SAMD3: variants seen among roughly 807,000 people sequenced by gnomAD.
SAMD3 encodes the protein sterile alpha motif domain containing 3.
SAMD3 carries 63 observed loss-of-function variants against 58.5 expected under a neutral mutation model. The observed-to-expected ratio is 1.08, with a 90% CI of 0.88 to 1.33. SAMD3 has a LOEUF of 1.33. Ranked by LOEUF, SAMD3 falls within the 40% of genes most tolerant of loss-of-function variation. The pLI is 0.00. For synonymous variants in SAMD3, 220 were observed against 210.3 expected (o/e 1.05, Z -0.40); for missense variants, 604 against 608.4 (o/e 0.99, Z 0.08).
intron 5 of SAMD3, among the ~76,000 whole-genome samples, chr6:130,196,995 C>T (rs6909809): frequency 0.4 from 60,372 of 151,924 alleles, 12,803 homozygotes; most frequent in African/African-American, 0.49. Context: ...TCAGTGAAAC[C>T]TTTATATCCC....
At chr6:130,180,900 C>T (rs191915851) in intron 7 of SAMD3, among the ~76,000 whole-genome samples, 44 of 151,466 alleles carry the variant, frequency 2.9e-4, no homozygotes, top group African/African-American at 1.0e-3. Flanking sequence ...AGCATTCTTT[C>T]AACTTTTGTT....
chr6:130,200,372 T>A (rs2114783489), intron 5 of SAMD3, among the ~76,000 whole-genome samples: 1 of 134,190 alleles, frequency 7.5e-6, no homozygotes, highest in South Asian at 2.3e-4. Flanking sequence ...AAACCCCATC[T>A]GTACTAAAAA....
intron 2 of SAMD3, among the ~76,000 whole-genome samples, chr6:130,245,929 G>A (rs1207371826): frequency 2.0e-5 from 3 of 152,094 alleles, no homozygotes; most frequent in African/African-American, 7.2e-5. Flanking sequence ...GATGGGAAAG[G>A]TGCAATAGAA....
intron 5 of SAMD3, among the ~76,000 whole-genome samples, chr6:130,199,773 G>C (rs1342112907): frequency 6.6e-6 from 1 of 152,146 alleles, no homozygotes; most frequent in Non-Finnish European, 1.5e-5. Context: ...ATGCTGTTTT[G>C]TTGCTGCAAC....
intron 2 of SAMD3, among the ~76,000 whole-genome samples, chr6:130,285,385 A>G (rs1775120581): frequency 6.6e-6 from 1 of 152,208 alleles, no homozygotes; most frequent in African/African-American, 2.4e-5. Flanking sequence ...TCAAGCAAAT[A>G]AAATCCAGAA....
At chr6:130,358,593 T>A (rs1777900447) in intron 1 of SAMD3, among the ~76,000 whole-genome samples, 2 of 152,140 alleles carry the variant, frequency 1.3e-5, no homozygotes, top group African/African-American at 4.8e-5. Context: ...ATCAAAATAA[T>A]ACAATTTCAC....
chr6:130,260,205 T>C (rs1774073707), intron 2 of SAMD3, among the ~76,000 whole-genome samples: 1 of 152,234 alleles, frequency 6.6e-6, no homozygotes, highest in Non-Finnish European at 1.5e-5. Context: ...GGTAGCCCGG[T>C]GCCTAGGAAC....
intron 2 of SAMD3, chr6:130,215,547 T>G: frequency 7.5e-7 from 1 of 1,330,212 alleles, no homozygotes; most frequent in Non-Finnish European, 9.6e-7. Context: ...CTCCTACTTT[T>G]TTTCCACAGG....
At chr6:130,234,779 C>T (rs1400355520) in intron 2 of SAMD3, among the ~76,000 whole-genome samples, 3 of 152,198 alleles carry the variant, frequency 2.0e-5, no homozygotes, top group Non-Finnish European at 4.4e-5. Context: ...TTTCTTTACA[C>T]TCTAATCTTT....
intron 2 of SAMD3, among the ~76,000 whole-genome samples, chr6:130,310,125 GAAT>G (rs1394778406): frequency 6.6e-6 from 1 of 152,192 alleles, no homozygotes; most frequent in African/African-American, 2.4e-5. Flanking sequence ...TTACCTTAGA[GAAT>G]AATATTCTCC....
chr6:130,170,855 G>A (rs557948144), intron 8 of SAMD3, among the ~76,000 whole-genome samples: 1 of 152,312 alleles, frequency 6.6e-6, no homozygotes, highest in East Asian at 1.9e-4. Flanking sequence ...AGATGATGGT[G>A]TTTTCTAAAT....
At chr6:130,161,144 G>A (rs1227773486) in intron 8 of SAMD3, 2 of 152,176 alleles carry the variant, frequency 1.3e-5, no homozygotes, top group African/African-American at 4.8e-5. Flanking sequence ...GGAAAACTCA[G>A]GCACACACAA....
upstream of SAMD3, chr6:130,365,584 G>A: frequency 1.0e-6 from 1 of 985,424 alleles, no homozygotes; most frequent in Non-Finnish European, 1.2e-6. Flanking sequence ...GAGCTCCCCA[G>A]CCGCTCCGGA....
chr6:130,237,467 C>G (rs191632532), intron 2 of SAMD3, among the ~76,000 whole-genome samples: 33 of 152,124 alleles, frequency 2.2e-4, no homozygotes. Context: ...AATACTTTTA[C>G]CCAGAACTGC....
intron 2 of SAMD3, among the ~76,000 whole-genome samples, chr6:130,301,758 G>T (rs1291051231): frequency 6.6e-6 from 1 of 152,040 alleles, no homozygotes; most frequent in Non-Finnish European, 1.5e-5. Context: ...CAGACACATA[G>T]ATCAGTGGAA....
chr6:130,363,713 C>T (rs1778051349), intron 1 of SAMD3, among the ~76,000 whole-genome samples: 1 of 152,146 alleles, frequency 6.6e-6, no homozygotes, highest in Non-Finnish European at 1.5e-5. Flanking sequence ...GCTTGGATTA[C>T]AGGACACTTG....
rs577157044 is a variant in SAMD3 at position 130,208,908 on chromosome 6, C to T, written c.383+587G>A. Among the ~76,000 whole-genome samples the T allele has an allele frequency of 4.6e-5, 7 of 152,236 alleles. No individual in the cohort carries two copies. The South Asian group carries it at 1.2e-3, about 27-fold the overall frequency. On this transcript the variant is annotated intron_variant, in intron 5 of 11. Coordinates refer to ENST00000439090, the MANE Select transcript of SAMD3 (RefSeq NM_001017373.4). ...CTATTCTAGGGGATGCCGTGACCTC[C>T]GTATCATATCTTACCTATGACCATC...
At chr6:130,153,337 C>T (rs558291786) in intron 9 of SAMD3, among the ~76,000 whole-genome samples, 116 of 152,122 alleles carry the variant, frequency 7.6e-4, no homozygotes, top group Admixed American at 4.1e-3. Context: ...TAGATTAATC[C>T]GTGGAAAGCA....
At chr6:130,258,923 G>A (rs1774016432) in intron 2 of SAMD3, among the ~76,000 whole-genome samples, 1 of 152,120 alleles carries the variant, frequency 6.6e-6, no homozygotes, top group African/African-American at 2.4e-5. Context: ...CTGAATAAGA[G>A]TAAACAGGAA....
Sources: allele counts gnomAD v4.1 joint callset (sites outside exome capture counted in the v4.1 genomes callset), GRCh38; gene constraint gnomAD v4.1.1; transcripts MANE v1.5; gene names NCBI Gene and HGNC (gene_info 2026-07-23, HGNC 2026-07-21).